The following UMOD variants were observed in gnomAD, a reference collection of about 807,000 sequenced individuals.
The protein encoded by UMOD is Tamm-Horsfall urinary glycoprotein.
A neutral mutation model predicts 66.0 loss-of-function variants in UMOD; 64 were observed. That is an observed-to-expected ratio of 0.97 (90% CI 0.79 to 1.19). The LOEUF (loss-of-function observed/expected upper bound fraction) is 1.19. Among genes scored for constraint, UMOD ranks in the 50% most tolerant of loss-of-function variants. The probability of loss-of-function intolerance (pLI) is 0.00; values close to 1 mark genes in which losing one functional copy is unlikely to be tolerated. For missense variants in UMOD, 764 were observed against 850.9 expected, an observed-to-expected ratio of 0.90 and a Z score of 1.27; for synonymous variants, 398 against 352.7, an observed-to-expected ratio of 1.13 and a Z score of -1.44.
chr16:20,354,783 C>G (rs1966006698), upstream of UMOD, among the ~76,000 whole-genome samples: 1 of 152,054 alleles, frequency 6.6e-6, no homozygotes, highest in Admixed American at 6.6e-5. Context: ...GAGGGACTGC[C>G]CCTCCCAGGG....
Position 20,349,184 on chromosome 16 carries a change from G to T in UMOD, c.117C>A (p.Ala39=). 2.5e-6 allele frequency: 4 copies of T among 1,613,884 alleles called. No individual in the cohort carries two copies. Among genetic ancestry groups the T allele is most frequent in the Non-Finnish European group, 3.4e-6 (4 of 1,180,018 alleles). ...ARWCSECHSN[A]TCTEDEAVTT... ...TAACGGCCTCATCCTCCGTGCAGGTGGCATTGCTGTGACATTCAGAGCACC... is the reference window on the plus strand; with the variant it reads ...TAACGGCCTCATCCTCCGTGCAGGTTGCATTGCTGTGACATTCAGAGCACC... Residue 39 remains alanine (A), a synonymous_variant, in exon 3 of 11, where the codon GCC becomes GCA. Coordinates refer to ENST00000396138, the MANE Select transcript of UMOD (RefSeq NM_003361.4).
chr16:20,348,908 G>A lies in UMOD; in HGVS notation c.393C>T (p.Gly131=), dbSNP rs775333397. 1 of 1,561,696 alleles carries A rather than the reference G, an allele frequency of 6.4e-7. No individual in the cohort carries two copies. Among genetic ancestry groups the A allele is most frequent in the Non-Finnish European group, 8.7e-7 (1 of 1,153,548 alleles). The change falls in exon 3 of 11, where the codon GGC becomes GGT. Residue 131 remains glycine, a synonymous_variant. Transcript: ENST00000396138. ...HALATCVNVV[G]SYLCVCPAGY... is the part of the protein sequence containing the mutation. ...CCGCGGGGCATACGCACAAGTAGCT[G>A]CCCACCACATTGACACATGTGGCCA...
chr16:20,337,501 TG>T, intron 7 of UMOD, 48 bp from the exon 8 acceptor site: 4 of 1,612,194 alleles, frequency 2.5e-6, no homozygotes, highest in Non-Finnish European at 3.4e-6. Flanking sequence ...ATAAAGATTC[TG>T]GAGTCAGACT....
chr16:20,348,410 A>G, intron 3 of UMOD, 26 bp downstream of exon 3: 2 of 1,614,084 alleles, frequency 1.2e-6, no homozygotes, highest in Non-Finnish European at 1.7e-6. Context: ...GCCTGGGATG[A>G]GGACTGTGGG....
upstream of UMOD, chr16:20,352,807 G>T: frequency 9.0e-7 from 1 of 1,108,508 alleles, no homozygotes; most frequent in Non-Finnish European, 1.1e-6. Flanking sequence ...TTTTGATATT[G>T]TTTTCTTGGG....
intron 2 of UMOD, chr16:20,349,644 G>T: frequency 7.0e-7 from 1 of 1,437,694 alleles, no homozygotes; most frequent in Non-Finnish European, 9.1e-7. Flanking sequence ...GTTAAGCATT[G>T]CTTTCAAGCT....
upstream of UMOD, among the ~76,000 whole-genome samples, chr16:20,353,262 G>A (rs1965971003): frequency 1.3e-5 from 2 of 152,204 alleles, no homozygotes; most frequent in Non-Finnish European, 2.9e-5. Context: ...CCAGAAGGTA[G>A]TTCAGACATC....
chr16:20,354,448 A>G (rs540435466), upstream of UMOD, among the ~76,000 whole-genome samples: 5 of 152,324 alleles, frequency 3.3e-5, no homozygotes, highest in East Asian at 7.7e-4. Flanking sequence ...TCTTTGCCAA[A>G]AGGATAAGTG....
intron 6 of UMOD, 48 bp downstream of exon 6, chr16:20,343,976 T>A (rs778754840): frequency 3.1e-6 from 5 of 1,609,256 alleles, no homozygotes; most frequent in Non-Finnish European, 4.2e-6. Flanking sequence ...GTTAAGGGGT[T>A]TGGGGTTAGA....
intron 10 of UMOD, among the ~76,000 whole-genome samples, chr16:20,334,328 G>A (rs1482047847): frequency 6.6e-6 from 1 of 152,088 alleles, no homozygotes; most frequent in East Asian, 1.9e-4. Context: ...TCTAGAAAAA[G>A]GTGTTAGAGA....
chr16:20,342,289 C>G (rs1183802384), intron 6 of UMOD: 3 of 152,350 alleles, frequency 2.0e-5, no homozygotes, highest in Non-Finnish European at 4.4e-5. Context: ...GAATTTGAGG[C>G]TGCATTGAGC....
chr16:20,351,217 A>C, intron 1 of UMOD: 1 of 242,950 alleles, frequency 4.1e-6, no homozygotes, highest in Non-Finnish European at 8.1e-6. Flanking sequence ...TTCAACAAAC[A>C]TCTATTGAGT....
In UMOD at chr16:20,336,631, G is replaced by A. The variant is rs1386438812; in HGVS notation, c.1822+15C>T. ...TTCCCAGCCAGGAATGTTGAGGAGC[G>A]AGTGGCTCTCTTACCTTTCCGTGTG... On this transcript the variant is annotated intron_variant, in intron 9 of 10. Coordinates refer to ENST00000396138, the MANE Select transcript of UMOD (RefSeq NM_003361.4). The A allele has an allele frequency of 4.3e-6, 7 of 1,611,820 alleles. No individual in the cohort carries two copies. The highest frequency in any genetic ancestry group is 3.3e-5 in the South Asian group (3 of 91,028).
At chr16:20,353,904 C>T (rs961898660), upstream of UMOD, among the ~76,000 whole-genome samples, 10 of 152,138 alleles carry the variant, frequency 6.6e-5, no homozygotes, top group Non-Finnish European at 7.3e-5. Flanking sequence ...TATCCCTCCC[C>T]GCTCCCCGCA....
chr16:20,349,947 A>G (rs1965810572), intron 2 of UMOD: 1 of 1,443,098 alleles, frequency 6.9e-7, no homozygotes, highest in African/African-American at 1.4e-5. Context: ...AGGCAATAGG[A>G]TGTGCACTTT....
intron 7 of UMOD, among the ~76,000 whole-genome samples, chr16:20,340,879 A>G (rs944136773): frequency 1.3e-5 from 2 of 151,728 alleles, no homozygotes; most frequent in Admixed American, 6.6e-5. Context: ...CTGTAATCCC[A>G]GCTACTTGGG....
chr16:20,354,629 C>A (rs1242676858), upstream of UMOD, among the ~76,000 whole-genome samples: 2 of 151,910 alleles, frequency 1.3e-5, no homozygotes, highest in East Asian at 3.9e-4. Flanking sequence ...AGACAGTGAC[C>A]CCAGGTGGCT....
intron 4 of UMOD, among the ~76,000 whole-genome samples, chr16:20,346,808 T>C (rs1293480846): frequency 1.3e-5 from 2 of 151,904 alleles, no homozygotes; most frequent in Non-Finnish European, 2.9e-5. Context: ...AAGTTACATA[T>C]GTATACATAT....
At chr16:20,341,482 T>G (rs1295809368) in intron 6 of UMOD, 146 bp from the exon 7 acceptor site, 1 of 1,445,748 alleles carries the variant, frequency 6.9e-7, no homozygotes, top group Non-Finnish European at 9.3e-7. Context: ...AACTGTTGCT[T>G]TGCAAACCGC....
Sources: allele counts gnomAD v4.1 joint callset (sites outside exome capture counted in the v4.1 genomes callset), GRCh38; gene constraint gnomAD v4.1.1; transcripts MANE v1.5; gene names NCBI Gene and HGNC (gene_info 2026-07-23, HGNC 2026-07-21).